Variants in PEX14 observed in about 807,000 individuals in gnomAD.
The protein encoded by PEX14 is peroxisomal membrane protein PEX14.
Under a neutral mutation model 49.5 loss-of-function variants are expected in PEX14, and 15 were observed. The ratio of observed to expected loss-of-function variants is 0.30; its 90% CI spans 0.20 to 0.47. The LOEUF (loss-of-function observed/expected upper bound fraction) is 0.47. Among genes scored for constraint, PEX14 ranks in the 20% least tolerant of loss-of-function variants. The pLI is 1.00. For synonymous variants in PEX14, 210 were observed against 212.7 expected (o/e 0.99, Z 0.11); for missense variants, 398 against 494.8 (o/e 0.80, Z 1.86).
At chr1:10,503,757 A>G (rs897922764) in intron 2 of PEX14, among the ~76,000 whole-genome samples, 8 of 151,018 alleles carry the variant, frequency 5.3e-5, no homozygotes, top group Non-Finnish European at 1.2e-4. Flanking sequence ...TTTTTTTGAG[A>G]CAGTCTTGCT....
intron 3 of PEX14, among the ~76,000 whole-genome samples, chr1:10,543,270 G>C (rs1429438084): frequency 6.6e-6 from 1 of 152,184 alleles, no homozygotes; most frequent in East Asian, 1.9e-4. Flanking sequence ...GAGTAACTGG[G>C]ATTACAGGGG....
intron 3 of PEX14, among the ~76,000 whole-genome samples, chr1:10,537,615 A>G (rs1464191136): frequency 6.6e-6 from 1 of 152,134 alleles, no homozygotes; most frequent in Non-Finnish European, 1.5e-5. Flanking sequence ...ATATTGTGCA[A>G]TATTATAACT....
intron 1 of PEX14, among the ~76,000 whole-genome samples, chr1:10,480,376 C>T (rs965416967): frequency 4.1e-5 from 6 of 145,010 alleles, no homozygotes; most frequent in African/African-American, 1.0e-4. Context: ...TGTGCCACTA[C>T]GCCTGGCTAA....
chr1:10,523,148 CTTTG>C (rs934926671), intron 2 of PEX14, among the ~76,000 whole-genome samples: 5 of 152,070 alleles, frequency 3.3e-5, no homozygotes, highest in African/African-American at 7.2e-5. Flanking sequence ...GCTGTCACAT[CTTTG>C]TTTGGTGTTT....
chr1:10,506,557 G>A (rs185897401), intron 2 of PEX14, among the ~76,000 whole-genome samples: 64 of 152,360 alleles, frequency 4.2e-4, no homozygotes, highest in African/African-American at 1.1e-3. Context: ...GATTACAGGC[G>A]TGAGCCACCA....
chr1:10,615,548 C>T (rs537037519), intron 4 of PEX14, among the ~76,000 whole-genome samples: 48 of 152,332 alleles, frequency 3.2e-4, no homozygotes, highest in East Asian at 9.6e-4. Flanking sequence ...CATTGCGCAG[C>T]GGCTCAGGGT....
At chr1:10,567,091 CTTTA>C (rs1253192614) in intron 3 of PEX14, among the ~76,000 whole-genome samples, 1 of 152,138 alleles carries the variant, frequency 6.6e-6, no homozygotes, top group Non-Finnish European at 1.5e-5. Context: ...AGAAATAAAA[CTTTA>C]TTTATGGACA....
At chr1:10,567,819 C>T (rs963495458) in intron 3 of PEX14, among the ~76,000 whole-genome samples, 2 of 151,990 alleles carry the variant, frequency 1.3e-5, no homozygotes, top group African/African-American at 4.8e-5. Flanking sequence ...TTTGTAGAGA[C>T]GGGGTCTCAC....
Position 10,623,833 on chromosome 1 carries a change from G to A in PEX14, c.488-507G>A, listed in dbSNP as rs1171976783. On this transcript the variant is annotated intron_variant, in intron 6 of 8. Transcript: ENST00000356607. The surrounding 1 kb of genome is among the most constrained non-coding windows in gnomAD (Gnocchi z 4.4). ...ATTGGTGGCAACAAGGTCCTGAGGG[G>A]TCACGGGACACCAGGGAGTTGAGCA... Among the ~76,000 whole-genome samples the A allele has an allele frequency of 1.3e-5, 2 of 152,226 alleles. No individual in the cohort carries two copies. The highest frequency in any genetic ancestry group is 4.8e-5 in the African/African-American group (2 of 41,460).
rs1222347554 is a variant in PEX14 at position 10,628,391 on chromosome 1, G to A, written c.677+1028G>A. On this transcript the variant is annotated intron_variant, in intron 8 of 8. Transcript: ENST00000356607. The surrounding 1 kb of genome is among the most constrained non-coding windows in gnomAD (Gnocchi z 4.5). Reference sequence around the variant, plus strand: ...TGGATTTGTTGGGAGCTGGGTGAGTGGGAGGGTGCAGGTGGGCTTTTCACT... The same window carrying A: ...TGGATTTGTTGGGAGCTGGGTGAGTAGGAGGGTGCAGGTGGGCTTTTCACT... 6.6e-6 allele frequency among the ~76,000 whole-genome samples: 1 copy of A among 152,252 alleles called. No homozygotes were observed. Among genetic ancestry groups the A allele is most frequent in the Non-Finnish European group, 1.5e-5 (1 of 68,050 alleles).
At chr1:10,552,214 C>T (rs1403851932) in intron 3 of PEX14, among the ~76,000 whole-genome samples, 1 of 152,158 alleles carries the variant, frequency 6.6e-6, no homozygotes. Flanking sequence ...GAGGCCGAGA[C>T]GGGCAAATCA....
At chr1:10,622,620 G>T (rs1048284286) in intron 5 of PEX14, among the ~76,000 whole-genome samples, 1 of 152,120 alleles carries the variant, frequency 6.6e-6, no homozygotes, top group Non-Finnish European at 1.5e-5. Flanking sequence ...CGCCTCCCTC[G>T]CCTCCTGGAG....
Position 10,565,404 on chromosome 1 carries a change from G to T in PEX14, c.169+29107G>T, listed in dbSNP as rs546200055. Among the ~76,000 whole-genome samples, 45 of 152,194 alleles carry T rather than the reference G, an allele frequency of 3.0e-4. No homozygotes were observed. In the Middle Eastern group the frequency reaches 0.014, roughly 46 times the overall value. On this transcript the variant is annotated intron_variant, in intron 3 of 8. Transcript: ENST00000356607. ...CCCCTGGTCAATCCATGTTCCTAGG[G>T]TATAGCCCTCTATGGGTCCCAACAA...
At chr1:10,522,888 AGC>A (rs1354257827) in intron 2 of PEX14, among the ~76,000 whole-genome samples, 1 of 152,224 alleles carries the variant, frequency 6.6e-6, no homozygotes, top group Non-Finnish European at 1.5e-5. Context: ...TGCTTTATTA[AGC>A]TGAATATCTG....
chr1:10,478,774 C>G (rs1214997041), intron 1 of PEX14, among the ~76,000 whole-genome samples: 1 of 150,454 alleles, frequency 6.6e-6, no homozygotes, highest in Non-Finnish European at 1.5e-5. Context: ...GAGACAGAGT[C>G]TCGCTCTGTC....
At chr1:10,507,116 CTTTG>C (rs770663541) in intron 2 of PEX14, among the ~76,000 whole-genome samples, 4 of 152,224 alleles carry the variant, frequency 2.6e-5, no homozygotes, top group Non-Finnish European at 2.9e-5. Flanking sequence ...ATTTTGGTTA[CTTTG>C]TTTGATTCCA....
chr1:10,582,626 T>C (rs939203685), intron 3 of PEX14, among the ~76,000 whole-genome samples: 2 of 152,194 alleles, frequency 1.3e-5, no homozygotes, highest in African/African-American at 4.8e-5. Context: ...GGTGGAAGAC[T>C]GATGCCTGAC....
chr1:10,602,883 G>A (rs1018034441), intron 4 of PEX14, among the ~76,000 whole-genome samples: 2 of 152,108 alleles, frequency 1.3e-5, no homozygotes, highest in African/African-American at 4.8e-5. Flanking sequence ...CTAGATCCCC[G>A]GCAGCCTTTT....
At chr1:10,608,210 A>C (rs1258836021) in intron 4 of PEX14, among the ~76,000 whole-genome samples, 1 of 152,122 alleles carries the variant, frequency 6.6e-6, no homozygotes, top group East Asian at 1.9e-4. Flanking sequence ...TTATAGCGTT[A>C]GTTTTTATGT....
Sources: gnomAD v4.1 joint callset for allele counts (sites outside exome capture counted in the v4.1 genomes callset) on GRCh38, gnomAD v4.1.1 for gene constraint, Gnocchi (gnomAD v3.1) non-coding constraint, MANE v1.5 for transcripts, NCBI Gene and HGNC (gene_info 2026-07-23, HGNC 2026-07-21) for gene names.